The following ADARB2 variants were observed in gnomAD, a reference collection of about 807,000 sequenced individuals.
The protein encoded by ADARB2 is adenosine deaminase RNA specific B2 (inactive).
In ADARB2, 25 loss-of-function variants were observed where a neutral mutation model predicts 62.2. That is an observed-to-expected ratio of 0.40 (90% CI 0.29 to 0.56). ADARB2 has a LOEUF of 0.56. ADARB2 is among the 20% of genes least tolerant of loss of function. The probability of loss-of-function intolerance (pLI) is 0.43; values close to 1 mark genes in which losing one functional copy is unlikely to be tolerated. For synonymous variants in ADARB2, 572 were observed against 500.8 expected (o/e 1.14, Z -1.90); for missense variants, 1,071 against 1,077.4 (o/e 0.99, Z 0.08).
intron 1 of ADARB2, among the ~76,000 whole-genome samples, chr10:1,736,147 G>C (rs1489829928): frequency 2.1e-4 from 32 of 152,170 alleles, no homozygotes; most frequent in Non-Finnish European, 2.9e-5. Context: ...AGGCTCACTA[G>C]GAACTGACAA....
At chr10:1,408,303 T>C (rs924238006) in intron 1 of ADARB2, among the ~76,000 whole-genome samples, 4 of 152,128 alleles carry the variant, frequency 2.6e-5, no homozygotes, top group African/African-American at 9.7e-5. Flanking sequence ...TGGTCGACCA[T>C]TCCCAGATTG....
intron 1 of ADARB2, among the ~76,000 whole-genome samples, chr10:1,510,238 TG>T (rs1203482675): frequency 1.3e-5 from 2 of 151,958 alleles, no homozygotes; most frequent in East Asian, 3.9e-4. Flanking sequence ...TGGAGTGCAG[TG>T]GCACAATCTC....
At chr10:1,695,591 G>A (rs1588355620) in intron 1 of ADARB2, among the ~76,000 whole-genome samples, 2 of 150,926 alleles carry the variant, frequency 1.3e-5, no homozygotes, top group East Asian at 4.0e-4. Context: ...GTCTGTGTGT[G>A]CATGTATACA....
At chr10:1,330,230 T>C (rs1831916374) in intron 3 of ADARB2, among the ~76,000 whole-genome samples, 1 of 152,092 alleles carries the variant, frequency 6.6e-6, no homozygotes, top group Non-Finnish European at 1.5e-5. Context: ...GTAGAGGATG[T>C]GCAGCTGTGA....
chr10:1,595,313 G>T (rs1315574896), intron 1 of ADARB2, among the ~76,000 whole-genome samples: 1 of 152,232 alleles, frequency 6.6e-6, no homozygotes, highest in Non-Finnish European at 1.5e-5. Context: ...GTGTTGAGAA[G>T]AGAGGGTCTC....
chr10:1,468,951 C>T (rs1233762628), intron 1 of ADARB2, among the ~76,000 whole-genome samples: 3 of 152,204 alleles, frequency 2.0e-5, no homozygotes, highest in Admixed American at 6.5e-5. Flanking sequence ...CAGCTTAGAA[C>T]GTCGGGGTGT....
chr10:1,201,851 T>C (rs35146461), intron 7 of ADARB2, among the ~76,000 whole-genome samples: 163 of 87,056 alleles, frequency 1.9e-3, no homozygotes, highest in Admixed American at 2.5e-3. Context: ...CGCCTGTCAC[T>C]GAGGACCCTT....
chr10:1,515,964 G>C (rs1019782960), intron 1 of ADARB2, among the ~76,000 whole-genome samples: 3 of 152,224 alleles, frequency 2.0e-5, no homozygotes, highest in Non-Finnish European at 2.9e-5. Context: ...GCAGTGCTAA[G>C]ATGTCTTCCA....
Position 1,197,086 on chromosome 10 carries a change from A to G in ADARB2, c.1864+2880T>C, listed in dbSNP as rs1391633872. Among the ~76,000 whole-genome samples the G allele has an allele frequency of 2.0e-5, 3 of 152,264 alleles. No individual in the cohort carries two copies. In the East Asian group the frequency reaches 5.8e-4, roughly 29 times the overall value. Reference sequence around the variant, plus strand: ...GTAAAAATTTTGTAGGTTACTCCAAAATAGACCTCTGTTTAATGTAAAAAT... The same window carrying G: ...GTAAAAATTTTGTAGGTTACTCCAAGATAGACCTCTGTTTAATGTAAAAAT... On this transcript the variant is annotated intron_variant, in intron 8 of 9. Coordinates refer to ENST00000381312, the MANE Select transcript of ADARB2 (RefSeq NM_018702.4).
intron 8 of ADARB2, among the ~76,000 whole-genome samples, chr10:1,191,992 G>A (rs1392826): frequency 0.99 from 150,048 of 152,326 alleles, 73,945 homozygotes; most frequent in Middle Eastern, 1. Context: ...TACTAGGACC[G>A]GTGGGGGTGA....
intron 3 of ADARB2, among the ~76,000 whole-genome samples, chr10:1,275,802 C>T (rs1302238270): frequency 6.6e-6 from 1 of 151,986 alleles, no homozygotes; most frequent in African/African-American, 2.4e-5. Flanking sequence ...TGATGGTTTC[C>T]AGCTTCAACC....
In ADARB2 at chr10:1,184,897, G is replaced by A. The variant is rs574833779; in HGVS notation, c.2007C>T (p.His669=). The change falls in exon 9 of 10, where the codon CAC becomes CAT. Residue 669 remains histidine, a synonymous_variant. Transcript: ENST00000381312. ...GCCGCGCCCACCGTGCAGACAGCAC[G>A]TGCTTGCAGAGCCGGGATGGGCCCC... The part of the protein sequence containing the change: ...SCGGPSRLCK[H]VLSARWARLY... The A allele has an allele frequency of 3.1e-6, 5 of 1,613,726 alleles. No homozygotes were observed. In the African/African-American group the frequency reaches 4.0e-5, roughly 13 times the overall value.
rs188721601 is a variant in ADARB2, at chr10:1,705,277, G to A, written c.100+31774C>T. Among the ~76,000 whole-genome samples the A allele has an allele frequency of 3.0e-3, 452 of 152,288 alleles. 11 individuals are homozygous for A. The highest frequency in any genetic ancestry group is 0.026 in the Admixed American group (399 of 15,296). ...GGGTTGCAGGGGCTGCATTCTACAT[G>A]GTGCCTCTGCCCACTCTATGCCGGT... On this transcript the variant is annotated intron_variant, in intron 1 of 9. Transcript: ENST00000381312.
chr10:1,481,642 A>T (rs1831472228), intron 1 of ADARB2, among the ~76,000 whole-genome samples: 1 of 140,964 alleles, frequency 7.1e-6, no homozygotes, highest in South Asian at 2.3e-4. Context: ...GCGGATCACG[A>T]GGTCAGGAGT....
chr10:1,464,918 G>A (rs926760996), intron 1 of ADARB2, among the ~76,000 whole-genome samples: 8 of 152,222 alleles, frequency 5.3e-5, no homozygotes, highest in African/African-American at 1.9e-4. Context: ...GGGTGAGGAC[G>A]CTCACACCCC....
At chr10:1,468,662 CA>C (rs919211830) in intron 1 of ADARB2, among the ~76,000 whole-genome samples, 15 of 152,210 alleles carry the variant, frequency 9.9e-5, no homozygotes, top group African/African-American at 3.6e-4. Flanking sequence ...GCTCCCCCAG[CA>C]AGCAGCAGCG....
intron 1 of ADARB2, among the ~76,000 whole-genome samples, chr10:1,736,690 C>T (rs923235359): frequency 2.6e-5 from 4 of 152,204 alleles, no homozygotes; most frequent in Non-Finnish European, 4.4e-5. Context: ...TCCTTTGGCA[C>T]TGGGAGACGA....
At chr10:1,708,612 G>A in intron 1 of ADARB2, among the ~76,000 whole-genome samples, 1 of 152,108 alleles carries the variant, frequency 6.6e-6, no homozygotes, top group South Asian at 2.1e-4. Context: ...GGGCTTTGGG[G>A]GCAGCCGGGG....
intron 1 of ADARB2, among the ~76,000 whole-genome samples, chr10:1,617,965 C>T (rs1160673564): frequency 6.6e-6 from 1 of 152,252 alleles, no homozygotes; most frequent in Non-Finnish European, 1.5e-5. Flanking sequence ...TCCCTGAGTT[C>T]AGTGAATTGC....
Sources: gnomAD v4.1 joint callset for allele counts (sites outside exome capture counted in the v4.1 genomes callset) on GRCh38, gnomAD v4.1.1 for gene constraint, MANE v1.5 for transcripts, NCBI Gene and HGNC (gene_info 2026-07-23, HGNC 2026-07-21) for gene names.